DNAJA3: variants seen among roughly 807,000 people sequenced by gnomAD.
The protein encoded by DNAJA3 is dnaJ homolog subfamily A member 3, mitochondrial.
DNAJA3 carries 29 observed loss-of-function variants against 54.9 expected under a neutral mutation model. That is an observed-to-expected ratio of 0.53 (90% CI 0.39 to 0.72). The LOEUF is 0.72. DNAJA3 is among the 30% of genes least tolerant of loss of function. DNAJA3 has a pLI of 0.00. For synonymous variants in DNAJA3, 302 were observed against 251.4 expected, an observed-to-expected ratio of 1.20 and a Z score of -1.90; for missense variants, 708 against 639.4, an observed-to-expected ratio of 1.11 and a Z score of -1.16.
At chr16:4,454,955 C>A in intron 11 of DNAJA3, 28 bp downstream of exon 11, 1 of 1,454,774 alleles carries the variant, frequency 6.9e-7, no homozygotes, top group East Asian at 2.3e-5. Flanking sequence ...GTTTTTTTTC[C>A]CTTTGTTTTC....
In DNAJA3 at chr16:4,455,940, T is replaced by A; in HGVS notation, c.*408T>A. 3.5e-6 allele frequency: 1 copy of A among 285,302 alleles called. No homozygotes were observed. Among genetic ancestry groups the A allele is most frequent in the Middle Eastern group, 1.1e-3 (1 of 908 alleles). 17.7% of individuals were successfully genotyped at this position (285,302 alleles called of 1,614,324 possible). A position where few individuals can be genotyped will look rare whatever the true frequency, so the allele number is the denominator to read the frequency against. On this transcript the variant is annotated 3_prime_UTR_variant, in exon 12 of 12. Transcript: ENST00000262375. ...TGCATCAAGTTACGAAGTGATTAAT[T>A]TCCTTCTCAGCAAACCTCCGGGAGG...
chr16:4,443,924 G>T (rs1376108968), intron 6 of DNAJA3, among the ~76,000 whole-genome samples: 2 of 152,172 alleles, frequency 1.3e-5, no homozygotes, highest in African/African-American at 4.8e-5. Context: ...CTGACCTCGT[G>T]ATCCACCCGC....
intron 1 of DNAJA3, among the ~76,000 whole-genome samples, chr16:4,429,337 C>T (rs545002422): frequency 1.3e-5 from 2 of 152,212 alleles, no homozygotes; most frequent in East Asian, 1.9e-4. Context: ...GATCCTCTTG[C>T]CTCAGTCTCC....
At chr16:4,443,206 C>T in intron 6 of DNAJA3, 42 bp downstream of exon 6, 1 of 1,609,634 alleles carries the variant, frequency 6.2e-7, no homozygotes, top group Non-Finnish European at 8.5e-7. Context: ...TTGGAGAGGG[C>T]AGACAGGGTT....
At chr16:4,426,225 C>T in intron 1 of DNAJA3, 133 bp downstream of exon 1, 1 of 1,038,020 alleles carries the variant, frequency 9.6e-7, no homozygotes, top group South Asian at 2.1e-5. Flanking sequence ...TTGCCGGAGA[C>T]ACAGACAGGC....
chr16:4,451,902 A>G (rs1041504838), intron 10 of DNAJA3, among the ~76,000 whole-genome samples: 1 of 151,328 alleles, frequency 6.6e-6, no homozygotes, highest in Non-Finnish European at 1.5e-5. Context: ...CTACTAAAAA[A>G]AAAAAAAAAA....
intron 1 of DNAJA3, among the ~76,000 whole-genome samples, chr16:4,432,503 C>T (rs779325530): frequency 3.9e-4 from 59 of 151,426 alleles, no homozygotes; most frequent in African/African-American, 1.3e-3. Context: ...CCACCACATC[C>T]GGCTAATTTT....
rs942382526 is a variant in DNAJA3, at chr16:4,456,665, T to G, written c.*1133T>G. The G allele has an allele frequency of 2.0e-5, 3 of 152,634 alleles. No homozygotes were observed. Among genetic ancestry groups the G allele is most frequent in the Non-Finnish European group, 1.5e-5 (1 of 68,038 alleles). The allele number at this position is 152,634 out of a possible 1,614,324, so 9.5% of individuals were successfully genotyped here. A position where few individuals can be genotyped will look rare whatever the true frequency, so the allele number is the denominator to read the frequency against. On this transcript the variant is annotated 3_prime_UTR_variant, in exon 12 of 12. Transcript: ENST00000262375. ...TCAACAGTTTCCTTTTTGTTTTCCT[T>G]TATAATTCACTAAAATAAAGCATCT...
chr16:4,446,475 C>G (rs2056903562), intron 7 of DNAJA3, among the ~76,000 whole-genome samples: 1 of 151,964 alleles, frequency 6.6e-6, no homozygotes, highest in African/African-American at 2.4e-5. Flanking sequence ...AACTCCTGAC[C>G]TCAGGTGATC....
intron 2 of DNAJA3, 62 bp from the exon 3 acceptor site, chr16:4,437,337 TTTG>T: frequency 1.5e-6 from 2 of 1,366,102 alleles, no homozygotes; most frequent in East Asian, 2.3e-5. Flanking sequence ...TATCGGGGGT[TTTG>T]TTGTTTCTGG....
intron 1 of DNAJA3, chr16:4,427,074 C>G (rs746919863): frequency 1.3e-5 from 2 of 152,186 alleles, no homozygotes; most frequent in Non-Finnish European, 1.5e-5. Context: ...TGCGCCACCA[C>G]GCCTGGCCAA....
chr16:4,433,252 C>T (rs754233346), intron 1 of DNAJA3: 5 of 152,200 alleles, frequency 3.3e-5, no homozygotes, highest in African/African-American at 4.8e-5. Flanking sequence ...AATCCAGATC[C>T]AAAGTACAAA....
Position 4,426,067 on chromosome 16 carries a change from A to AT in DNAJA3, c.188dup (p.Leu63PhefsTer13). ...CTTGCGGCCCCCGAGCGCTGCTGAC[A>AT]TTGAGACCTGGTGTCAGCCTTACAG... On this transcript the variant is annotated frameshift_variant, in exon 1 of 12. Transcript: ENST00000262375. LOFTEE classifies it high-confidence loss of function. 1 of 1,601,622 alleles carries AT rather than the reference A, an allele frequency of 6.2e-7. No homozygotes were observed.
chr16:4,437,557 T>A (rs2056786452), intron 3 of DNAJA3, 72 bp downstream of exon 3: 2 of 1,246,466 alleles, frequency 1.6e-6, no homozygotes, highest in Non-Finnish European at 2.3e-6. Flanking sequence ...CATTGCTACC[T>A]GGGACAGCCT....
At chr16:4,453,757 C>T (rs2057004148) in intron 10 of DNAJA3, among the ~76,000 whole-genome samples, 1 of 152,206 alleles carries the variant, frequency 6.6e-6, no homozygotes, top group South Asian at 2.1e-4. Context: ...CTGGGTCTCA[C>T]TCTGTTTTAT....
chr16:4,449,280 G>A (rs1004410645), intron 9 of DNAJA3, among the ~76,000 whole-genome samples: 10 of 152,228 alleles, frequency 6.6e-5, no homozygotes, highest in Non-Finnish European at 1.5e-4. Context: ...ACAGGCGTGA[G>A]CCACCATGCC....
chr16:4,454,090 T>A (rs2057008043), intron 10 of DNAJA3, among the ~76,000 whole-genome samples: 1 of 152,190 alleles, frequency 6.6e-6, no homozygotes, highest in Admixed American at 6.5e-5. Context: ...AGCATTTAGG[T>A]TAGGTGCCCC....
At chr16:4,427,538 A>G (rs1256537306) in intron 1 of DNAJA3, among the ~76,000 whole-genome samples, 1 of 152,194 alleles carries the variant, frequency 6.6e-6, no homozygotes, top group Non-Finnish European at 1.5e-5. Flanking sequence ...AACCCCTTCG[A>G]GCACCTGTCT....
chr16:4,452,400 G>A (rs2056989325), intron 10 of DNAJA3, among the ~76,000 whole-genome samples: 1 of 152,226 alleles, frequency 6.6e-6, no homozygotes, highest in East Asian at 1.9e-4. Flanking sequence ...CGTGGGTGTT[G>A]CTTACTCTGT....
Sources: gnomAD v4.1 joint callset for allele counts (sites outside exome capture counted in the v4.1 genomes callset) on GRCh38, gnomAD v4.1.1 for gene constraint, MANE v1.5 for transcripts, NCBI Gene and HGNC (gene_info 2026-07-23, HGNC 2026-07-21) for gene names.